The following ADAMTS16 variants were observed in gnomAD, a reference collection of about 807,000 sequenced individuals.
ADAMTS16 encodes A disintegrin and metalloproteinase with thrombospondin motifs 16.
In ADAMTS16, 94 loss-of-function variants were observed where a neutral mutation model predicts 145.8. The ratio of observed to expected loss-of-function variants is 0.64; its 90% CI spans 0.55 to 0.77. The LOEUF (loss-of-function observed/expected upper bound fraction) is 0.77. ADAMTS16 is among the 30% of genes least tolerant of loss of function. The pLI is 0.00. For missense variants in ADAMTS16, 1,585 were observed against 1,591.5 expected (o/e 1.00, Z 0.07); for synonymous variants, 659 against 604.3 (o/e 1.09, Z -1.33).
chr5:5,174,534 A>G (rs1403382583), intron 3 of ADAMTS16, among the ~76,000 whole-genome samples: 1 of 152,088 alleles, frequency 6.6e-6, no homozygotes, highest in Admixed American at 6.5e-5. Flanking sequence ...TCCTTAAATA[A>G]ACTTTCCATC....
Position 5,235,195 on chromosome 5 carries a change from C to A in ADAMTS16, c.2023+9C>A. On this transcript the variant is annotated intron_variant, in intron 13 of 22. Coordinates refer to ENST00000274181, the MANE Select transcript of ADAMTS16 (RefSeq NM_139056.4). ...TTACACTCAAGTAGAAGGTAAATCT[C>A]AAACTGCTTTCGGGTAATAGCCTCA... 6.4e-7 allele frequency: 1 copy of A among 1,557,536 alleles called. No homozygotes were observed. Among genetic ancestry groups the A allele is most frequent in the South Asian group, 1.2e-5 (1 of 85,500 alleles).
chr5:5,159,031 A>G (rs1003908173), intron 3 of ADAMTS16, among the ~76,000 whole-genome samples: 2 of 152,264 alleles, frequency 1.3e-5, no homozygotes, highest in African/African-American at 2.4e-5. Context: ...AATCAGAAAC[A>G]TGCTCAACAT....
chr5:5,198,137 C>T (rs1022321285), intron 8 of ADAMTS16, among the ~76,000 whole-genome samples: 6 of 152,302 alleles, frequency 3.9e-5, no homozygotes, highest in East Asian at 1.9e-4. Context: ...GCAAGTTTAT[C>T]GAGGGCAATT....
At chr5:5,206,176 C>T (rs1736103111) in intron 9 of ADAMTS16, among the ~76,000 whole-genome samples, 1 of 151,336 alleles carries the variant, frequency 6.6e-6, no homozygotes, top group Admixed American at 6.6e-5. Flanking sequence ...GCTGTAATCC[C>T]AGCACTTTGG....
chr5:5,316,574 T>C (rs1298527715), intron 21 of ADAMTS16, among the ~76,000 whole-genome samples: 3 of 152,232 alleles, frequency 2.0e-5, no homozygotes, highest in African/African-American at 7.2e-5. Context: ...GCTCATGTTC[T>C]GTGGCATGTG....
In ADAMTS16 at chr5:5,306,498, T is replaced by G; in HGVS notation, c.3187-6T>G. 1 of 1,606,256 alleles carries G rather than the reference T, an allele frequency of 6.2e-7. No individual in the cohort carries two copies. Among genetic ancestry groups the G allele is most frequent in the South Asian group, 1.1e-5 (1 of 90,242 alleles). On this transcript the variant is annotated splice_region_variant and splice_polypyrimidine_tract_variant and intron_variant, in intron 20 of 22. Transcript: ENST00000274181. ...TCACTGACTTCTTTTGTTCTCTTCT[T>G]TTTAGTGCTCTGTGACATGTGAAAG...
chr5:5,181,197 G>A (rs1192687031), intron 3 of ADAMTS16, among the ~76,000 whole-genome samples: 1 of 152,162 alleles, frequency 6.6e-6, no homozygotes, highest in African/African-American at 2.4e-5. Context: ...GAGTTGAATT[G>A]TGCACGTTAA....
intron 20 of ADAMTS16, among the ~76,000 whole-genome samples, chr5:5,304,375 G>A (rs1289471191): frequency 6.6e-6 from 1 of 152,032 alleles, no homozygotes; most frequent in African/African-American, 2.4e-5. Context: ...GAATACTGAT[G>A]GTTTCATGAC....
At chr5:5,212,188 G>A (rs60536718) in intron 10 of ADAMTS16, among the ~76,000 whole-genome samples, 1,649 of 107,518 alleles carry the variant, frequency 0.015, 37 homozygotes, top group African/African-American at 0.041. Flanking sequence ...TTAGTTTCTG[G>A]GGTTTTTTTT....
intron 5 of ADAMTS16, among the ~76,000 whole-genome samples, chr5:5,187,034 G>C (rs933997671): frequency 3.3e-5 from 5 of 152,202 alleles, no homozygotes; most frequent in Non-Finnish European, 7.3e-5. Flanking sequence ...AGGAAGCTGA[G>C]GAGGCAGTGA....
At chr5:5,239,416 C>T (rs1737212966) in intron 15 of ADAMTS16, 142 bp downstream of exon 15, 16 of 1,325,612 alleles carry the variant, frequency 1.2e-5, no homozygotes, top group South Asian at 1.6e-5. Flanking sequence ...CTTTGCTTCT[C>T]GAGCCTCTTG....
intron 10 of ADAMTS16, among the ~76,000 whole-genome samples, chr5:5,220,491 G>A (rs1480899283): frequency 6.6e-6 from 1 of 152,032 alleles, no homozygotes; most frequent in African/African-American, 2.4e-5. Flanking sequence ...ACTTTACCTT[G>A]TATTATTTTG....
chr5:5,184,338 T>TGC (rs2126564933), intron 4 of ADAMTS16, among the ~76,000 whole-genome samples: 2 of 35,614 alleles, frequency 5.6e-5, no homozygotes, highest in South Asian at 3.4e-3. Context: ...CCCAGGGCAC[T>TGC]GTCACCGATG....
chr5:5,220,300 C>T (rs374388508), intron 10 of ADAMTS16, among the ~76,000 whole-genome samples: 3 of 150,872 alleles, frequency 2.0e-5, no homozygotes, highest in African/African-American at 2.4e-5. Flanking sequence ...GCTGGGACTA[C>T]AGGCACCCGC....
rs1404898487 is a variant in ADAMTS16, at chr5:5,310,989, C to T, written c.3411+4261C>T. The stretch of plus-strand genomic sequence containing the variant: ...ACCAGAGATATGTGAGCAGCAGGGG[C>T]TGGATCTCACTGAATGCCCGTGGCT... On this transcript the variant is annotated intron_variant, in intron 21 of 22. Coordinates refer to ENST00000274181, the MANE Select transcript of ADAMTS16 (RefSeq NM_139056.4). The surrounding 1 kb of genome is among the most constrained non-coding windows in gnomAD (Gnocchi z 4.3). Among the ~76,000 whole-genome samples the T allele has an allele frequency of 6.6e-6, 1 of 152,100 alleles. No individual in the cohort carries two copies. The highest frequency in any genetic ancestry group is 1.5e-5 in the Non-Finnish European group (1 of 68,018).
intron 3 of ADAMTS16, among the ~76,000 whole-genome samples, chr5:5,166,530 G>A (rs1048393268): frequency 1.3e-5 from 2 of 152,312 alleles, no homozygotes; most frequent in Admixed American, 6.5e-5. Flanking sequence ...GGCTTCCTGC[G>A]GGAGTCCTGG....
intron 3 of ADAMTS16, among the ~76,000 whole-genome samples, chr5:5,179,489 A>G (rs749296064): frequency 7.9e-5 from 12 of 152,234 alleles, no homozygotes; most frequent in Non-Finnish European, 1.3e-4. Context: ...GCGTTATACA[A>G]GGTTGAACAC....
intron 2 of ADAMTS16, among the ~76,000 whole-genome samples, chr5:5,144,366 T>G (rs548541699): frequency 2.0e-4 from 30 of 152,306 alleles, no homozygotes; most frequent in Middle Eastern, 3.4e-3. Context: ...GAAAGCTCAT[T>G]ATTTGATCAA....
Position 5,318,148 on chromosome 5 carries a change from TG to T in ADAMTS16, c.3431del (p.Gly1144GlufsTer124). On this transcript the variant is annotated frameshift_variant, in exon 22 of 23. Transcript: ENST00000274181. LOFTEE classifies it high-confidence loss of function. ...TGCTCTCACAGTGCACGGCCAGCTG[TG>T]GGGGAGGCGTTCAGACGAGGTCCGT... The part of the protein sequence containing the change: ...SPWSQCTASC[G>X]GGVQTRSVQC... 1.3e-6 allele frequency: 2 copies of T among 1,490,470 alleles called. No individual in the cohort carries two copies. Among genetic ancestry groups the T allele is most frequent in the South Asian group, 1.4e-5 (1 of 73,784 alleles). The allele number at this position is 1,490,470 out of a possible 1,614,324, so 92.3% of individuals were successfully genotyped here.
Sources: allele counts gnomAD v4.1 joint callset (sites outside exome capture counted in the v4.1 genomes callset), GRCh38; gene constraint gnomAD v4.1.1; non-coding constraint Gnocchi (gnomAD v3.1); transcripts MANE v1.5; gene names NCBI Gene and HGNC (gene_info 2026-07-23, HGNC 2026-07-21).